ASB7: variants seen among roughly 807,000 people sequenced by gnomAD.
ASB7 encodes the protein ankyrin repeat and SOCS box protein 7.
ASB7 carries 4 observed loss-of-function variants against 32.5 expected under a neutral mutation model. That is an observed-to-expected ratio of 0.12 (90% CI 0.06 to 0.28). ASB7 has a LOEUF of 0.28. Among genes scored for constraint, ASB7 ranks in the 10% least tolerant of loss-of-function variants. The pLI is 1.00. For missense variants in ASB7, 181 were observed against 407.1 expected, an observed-to-expected ratio of 0.44 and a Z score of 4.78; for synonymous variants, 172 against 155.6, an observed-to-expected ratio of 1.11 and a Z score of -0.78.
chr15:100,604,430 C>A (rs1175291323), intron 2 of ASB7, among the ~76,000 whole-genome samples: 1 of 152,068 alleles, frequency 6.6e-6, no homozygotes, highest in Non-Finnish European at 1.5e-5. Flanking sequence ...TTTAATATCC[C>A]AAATTGTTTA....
At chr15:100,606,319 G>T (rs2039644644) in intron 2 of ASB7, among the ~76,000 whole-genome samples, 7 of 151,988 alleles carry the variant, frequency 4.6e-5, no homozygotes, top group Admixed American at 4.6e-4. Flanking sequence ...CCATTATCTT[G>T]TTGCTAAGTT....
At chr15:100,606,526 A>G (rs914812113) in intron 2 of ASB7, among the ~76,000 whole-genome samples, 1 of 152,188 alleles carries the variant, frequency 6.6e-6, no homozygotes, top group Middle Eastern at 3.2e-3. Flanking sequence ...TGTTTATTTT[A>G]TTCTTCACGC....
chr15:100,630,187 A>C, intron 5 of ASB7, 145 bp downstream of exon 5: 1 of 1,355,334 alleles, frequency 7.4e-7, no homozygotes, highest in Non-Finnish European at 9.5e-7. Context: ...TTCTTCTGAA[A>C]TAAAAAAAAA....
chr15:100,646,508 AT>A, intron 5 of ASB7: 1 of 456,602 alleles, frequency 2.2e-6, no homozygotes, highest in Non-Finnish European at 4.5e-6. Flanking sequence ...AACTCCACAT[AT>A]TTGTGGAACT....
At chr15:100,618,495 A>G (rs912554903) in intron 4 of ASB7, among the ~76,000 whole-genome samples, 10 of 152,188 alleles carry the variant, frequency 6.6e-5, no homozygotes, top group African/African-American at 2.4e-4. Flanking sequence ...TTTGTGGTGG[A>G]TAGTAAACCA....
intron 2 of ASB7, among the ~76,000 whole-genome samples, chr15:100,609,087 T>C (rs2039672436): frequency 6.6e-6 from 1 of 152,198 alleles, no homozygotes; most frequent in South Asian, 2.1e-4. Context: ...TTTCTTTTAG[T>C]TGTGGAGAGA....
intron 5 of ASB7, chr15:100,646,230 A>G (rs1307791891): frequency 9.9e-6 from 4 of 402,088 alleles, no homozygotes; most frequent in Admixed American, 2.9e-5. Context: ...CACATCTGTT[A>G]ACAATATCCA....
intron 5 of ASB7, 35 bp downstream of exon 5, chr15:100,630,077 T>A (rs200980506): frequency 1.5e-5 from 23 of 1,505,306 alleles, no homozygotes; most frequent in African/African-American, 1.4e-4. Context: ...TTGCATTTTT[T>A]AAAAATTTGC....
intron 5 of ASB7, among the ~76,000 whole-genome samples, chr15:100,641,925 C>T (rs140729365): frequency 0.018 from 2,812 of 152,230 alleles, 41 homozygotes; most frequent in Middle Eastern, 0.034. Flanking sequence ...GCTAAGGAGC[C>T]CAAGATCACA....
At chr15:100,624,336 G>A (rs35177671) in intron 4 of ASB7, among the ~76,000 whole-genome samples, 43,143 of 152,128 alleles carry the variant, frequency 0.28, 7,306 homozygotes, top group South Asian at 0.42. Context: ...AGTGATAAAT[G>A]CTCAAGGTGA....
rs546793645 is a variant in ASB7, at chr15:100,609,824, A to G, written c.-56A>G. The G allele has an allele frequency of 5.9e-5, 9 of 152,352 alleles. No individual in the cohort carries two copies. In the East Asian group the frequency reaches 1.5e-3, roughly 26 times the overall value. 9.4% of individuals were successfully genotyped at this position (152,352 alleles called of 1,614,324 possible). A position where few individuals can be genotyped will look rare whatever the true frequency, so the allele number is the denominator to read the frequency against. The stretch of plus-strand genomic sequence containing the variant: ...ACATCAGGAGAAGGGACACTCTTCC[A>G]TAAGGCAAGTTGCCTCAGGGTCATT... On this transcript the variant is annotated 5_prime_UTR_variant, in exon 3 of 6. Transcript: ENST00000332783.
Position 100,629,489 on chromosome 15 carries a change from A to G in ASB7, c.264A>G (p.Ala88=), listed in dbSNP as rs61752833. The part of the protein sequence containing the change: ...LIGGFTALHY[A]AMHGRARIAR... ...GAGGCTTCACGGCTCTTCACTATGC[A>G]GCCATGCATGGCCGGGCCCGCATTG... Residue 88 remains alanine (A), a synonymous_variant, in exon 5 of 6, where the codon GCA becomes GCG. Coordinates refer to ENST00000332783, the MANE Select transcript of ASB7 (RefSeq NM_198243.3). This position sits in a 1 kb window ranked among gnomAD's most constrained non-coding sequence, Gnocchi z 6.8. The G allele has an allele frequency of 0.027, 42,887 of 1,613,986 alleles. 749 individuals are homozygous for G. Among genetic ancestry groups the G allele is most frequent in the Middle Eastern group, 0.047 (282 of 6,062 alleles).
rs139790092 is a variant in ASB7, at chr15:100,643,977, G to A, written c.818-4346G>A. ...TTAATATTAAAAAGGGCCTGGCATG[G>A]CGGCTCATGCCCTTAATCCCAGCAC... On this transcript the variant is annotated intron_variant, in intron 5 of 5. Coordinates refer to ENST00000332783, the MANE Select transcript of ASB7 (RefSeq NM_198243.3). Among the ~76,000 whole-genome samples, 984 of 152,254 alleles carry A rather than the reference G, an allele frequency of 6.5e-3. 9 individuals are homozygous for A. The highest frequency in any genetic ancestry group is 0.022 in the African/African-American group (896 of 41,556).
chr15:100,629,083 A>C lies in ASB7; in HGVS notation c.212-354A>C, dbSNP rs973799354. On this transcript the variant is annotated intron_variant, in intron 4 of 5. Transcript: ENST00000332783. The surrounding 1 kb of genome is among the most constrained non-coding windows in gnomAD (Gnocchi z 6.8). ...GAAAATAAAACAAAAAGTTCAAAAC[A>C]GAAGAGAAACATGAAACAGTGCAGA... Among the ~76,000 whole-genome samples, 1 of 152,226 alleles carries C rather than the reference A, an allele frequency of 6.6e-6. No individual in the cohort carries two copies. The highest frequency in any genetic ancestry group is 2.4e-5 in the African/African-American group (1 of 41,460).
intron 4 of ASB7, among the ~76,000 whole-genome samples, chr15:100,624,300 G>A (rs148874004): frequency 6.6e-6 from 1 of 152,202 alleles, no homozygotes; most frequent in African/African-American, 2.4e-5. Context: ...TGCAAGAGAA[G>A]ACTTGAAATG....
At chr15:100,643,812 C>T (rs1236132151) in intron 5 of ASB7, among the ~76,000 whole-genome samples, 3 of 151,696 alleles carry the variant, frequency 2.0e-5, no homozygotes, top group Admixed American at 6.6e-5. Context: ...TTTTTTTTAC[C>T]TTAGCTAAGC....
At chr15:100,645,848 C>T in intron 5 of ASB7, 1 of 1,053,570 alleles carries the variant, frequency 9.5e-7, no homozygotes. Flanking sequence ...ATTTCATGGT[C>T]CCAAGATACG....
chr15:100,636,798 G>A (rs1171020022), intron 5 of ASB7, among the ~76,000 whole-genome samples: 2 of 152,160 alleles, frequency 1.3e-5, no homozygotes, highest in African/African-American at 2.4e-5. Flanking sequence ...TTTCAGTGTG[G>A]ACTTTAGCCG....
At chr15:100,633,027 T>C (rs1440629032) in intron 5 of ASB7, among the ~76,000 whole-genome samples, 1 of 151,866 alleles carries the variant, frequency 6.6e-6, no homozygotes, top group Non-Finnish European at 1.5e-5. Context: ...TTCCAGGACG[T>C]CAGGAGCGCA....
Sources: allele counts gnomAD v4.1 joint callset (sites outside exome capture counted in the v4.1 genomes callset), GRCh38; gene constraint gnomAD v4.1.1; non-coding constraint Gnocchi (gnomAD v3.1); transcripts MANE v1.5; gene names NCBI Gene and HGNC (gene_info 2026-07-23, HGNC 2026-07-21).